TMEM156: variants seen among roughly 807,000 people sequenced by gnomAD.
TMEM156 encodes transmembrane protein 156.
A neutral mutation model predicts 30.5 loss-of-function variants in TMEM156; 28 were observed. That is an observed-to-expected ratio of 0.92 (90% CI 0.68 to 1.26). The LOEUF is 1.26. Ranked by LOEUF, TMEM156 falls within the 50% of genes most tolerant of loss-of-function variation. The pLI is 0.00. For missense variants in TMEM156, 351 were observed against 340.6 expected (o/e 1.03, Z -0.24); for synonymous variants, 137 against 119.9 (o/e 1.14, Z -0.93).
chr4:38,971,150 G>A lies in TMEM156; in HGVS notation c.824-13C>T, dbSNP rs147646218. On this transcript the variant is annotated splice_polypyrimidine_tract_variant and intron_variant, in intron 5 of 6. Coordinates refer to ENST00000381938, the MANE Select transcript of TMEM156 (RefSeq NM_024943.3). ...TGCGTGGTCTCTGCTATTTAAGAAG[G>A]AGAACTGTTTTAGTCTATATGTAGT... The A allele has an allele frequency of 2.1e-5, 34 of 1,613,338 alleles. No homozygotes were observed. In the Admixed American group the frequency reaches 5.7e-4, roughly 27 times the overall value.
intron 1 of TMEM156, among the ~76,000 whole-genome samples, chr4:39,028,207 C>T (rs971879854): frequency 1.3e-5 from 2 of 152,202 alleles, no homozygotes; most frequent in Non-Finnish European, 2.9e-5. Flanking sequence ...CTATTCTTAT[C>T]CTGTATTGCC....
chr4:38,994,202 G>C (rs2109959519), intron 2 of TMEM156, among the ~76,000 whole-genome samples: 1 of 152,206 alleles, frequency 6.6e-6, no homozygotes, highest in East Asian at 1.9e-4. Context: ...ATGGCTCACT[G>C]CAGCCTCACC....
chr4:38,995,345 T>C (rs1265509291), intron 2 of TMEM156, among the ~76,000 whole-genome samples: 1 of 152,226 alleles, frequency 6.6e-6, no homozygotes, highest in Non-Finnish European at 1.5e-5. Context: ...CATGTTACCC[T>C]AAAAACTTCA....
chr4:38,979,336 G>A (rs887696060), intron 5 of TMEM156, among the ~76,000 whole-genome samples: 8 of 152,212 alleles, frequency 5.3e-5, no homozygotes, highest in African/African-American at 1.4e-4. Context: ...TTGGCAGTGG[G>A]GACCGACACC....
chr4:38,983,245 T>C (rs931184967), intron 5 of TMEM156, among the ~76,000 whole-genome samples: 7 of 152,214 alleles, frequency 4.6e-5, no homozygotes, highest in African/African-American at 1.7e-4. Flanking sequence ...GGCTACCTAC[T>C]GGTTTTCCAA....
At chr4:39,028,670 A>T (rs1261725936) in intron 1 of TMEM156, 1 of 152,248 alleles carries the variant, frequency 6.6e-6, no homozygotes, top group Non-Finnish European at 1.5e-5. Flanking sequence ...GTTCTGTCTT[A>T]AACACTGTAA....
intron 5 of TMEM156, among the ~76,000 whole-genome samples, chr4:38,972,661 T>G (rs1428527199): frequency 6.6e-6 from 1 of 151,930 alleles, no homozygotes; most frequent in Admixed American, 6.6e-5. Context: ...CAAAAAACTG[T>G]TTTTGGAAGA....
chr4:39,009,846 G>A (rs1273066868), intron 1 of TMEM156, among the ~76,000 whole-genome samples: 1 of 152,104 alleles, frequency 6.6e-6, no homozygotes, highest in Non-Finnish European at 1.5e-5. Context: ...ACAAGACAAA[G>A]ATGTCAACTC....
intron 1 of TMEM156, among the ~76,000 whole-genome samples, chr4:39,007,186 A>G (rs1231621477): frequency 6.6e-6 from 1 of 152,126 alleles, no homozygotes; most frequent in Non-Finnish European, 1.5e-5. Context: ...TCATGCTGGC[A>G]AACTACTTTT....
chr4:39,022,837 C>T (rs1187593551), intron 1 of TMEM156, among the ~76,000 whole-genome samples: 2 of 152,164 alleles, frequency 1.3e-5, no homozygotes, highest in African/African-American at 4.8e-5. Context: ...TAGATTATTT[C>T]TTTGACTATA....
At chr4:38,993,673 C>T (rs1712703138) in intron 3 of TMEM156, 65 bp downstream of exon 3, 6 of 1,430,488 alleles carry the variant, frequency 4.2e-6, no homozygotes, top group Admixed American at 1.9e-5. Context: ...TGTGATAGCC[C>T]TTACTTAATT....
intron 6 of TMEM156, among the ~76,000 whole-genome samples, 162 bp downstream of exon 6, chr4:38,970,870 T>C (rs1424059627): frequency 1.3e-5 from 2 of 152,222 alleles, no homozygotes. Context: ...TTAGAGAAAA[T>C]AGTCATTTTA....
chr4:39,030,359 C>T (rs6821102), intron 1 of TMEM156, among the ~76,000 whole-genome samples: 10,981 of 152,036 alleles, frequency 0.072, 610 homozygotes, highest in South Asian at 0.25. Context: ...TGATGGTTGA[C>T]TATTGACAAG....
intron 1 of TMEM156, among the ~76,000 whole-genome samples, chr4:39,026,770 T>C (rs1285249365): frequency 6.6e-6 from 1 of 151,502 alleles, no homozygotes; most frequent in Non-Finnish European, 1.5e-5. Context: ...CTACTAAAAA[T>C]ACAAAAATTA....
At chr4:39,020,554 T>A (rs1714796297) in intron 1 of TMEM156, among the ~76,000 whole-genome samples, 1 of 151,490 alleles carries the variant, frequency 6.6e-6, no homozygotes, top group Non-Finnish European at 1.5e-5. Context: ...TTATTTTGAA[T>A]TTTTTTTATT....
At chr4:39,028,134 C>T (rs1174595806) in intron 1 of TMEM156, among the ~76,000 whole-genome samples, 5 of 152,056 alleles carry the variant, frequency 3.3e-5, no homozygotes, top group Non-Finnish European at 5.9e-5. Flanking sequence ...GTGATCCACC[C>T]GCCTCGGCCT....
chr4:39,000,350 C>A (rs992380633), intron 1 of TMEM156, among the ~76,000 whole-genome samples: 2 of 152,106 alleles, frequency 1.3e-5, no homozygotes, highest in African/African-American at 4.8e-5. Context: ...CATGATCACA[C>A]CACTGCACTT....
Position 38,990,830 on chromosome 4 carries a change from G to GTTTTTTTTTTTTTTTTTT in TMEM156, c.620-1878_620-1861dup, listed in dbSNP as rs71304784. On this transcript the variant is annotated intron_variant, in intron 3 of 6. Transcript: ENST00000381938. ...CTTTGTTTTTTTGGTTTGTTTTCTGGTTTTTTTTTTTTTTTTTTTTTTTGA... is the reference window on the plus strand; with the variant it reads ...CTTTGTTTTTTTGGTTTGTTTTCTGGTTTTTTTTTTTTTTTTTTTTTTTTTTTTTTTTTTTTTTTTTGA... Among the ~76,000 whole-genome samples the GTTTTTTTTTTTTTTTTTT allele has an allele frequency of 3.4e-3, 273 of 81,180 alleles. 24 individuals are homozygous for GTTTTTTTTTTTTTTTTTT. Among genetic ancestry groups the GTTTTTTTTTTTTTTTTTT allele is most frequent in the Non-Finnish European group, 5.0e-3 (205 of 41,332 alleles). 53.3% of individuals were successfully genotyped at this position (81,180 alleles called of 152,430 possible). A position where few individuals can be genotyped will look rare whatever the true frequency, so the allele number is the denominator to read the frequency against.
At chr4:39,010,571 C>T (rs1714044449) in intron 1 of TMEM156, among the ~76,000 whole-genome samples, 1 of 152,076 alleles carries the variant, frequency 6.6e-6, no homozygotes, top group African/African-American at 2.4e-5. Context: ...TTAATAGACA[C>T]ATAGACTAAT....
Sources: allele counts gnomAD v4.1 joint callset (sites outside exome capture counted in the v4.1 genomes callset), GRCh38; gene constraint gnomAD v4.1.1; transcripts MANE v1.5; gene names NCBI Gene and HGNC (gene_info 2026-07-23, HGNC 2026-07-21).